The following SMARCC1 variants were observed in gnomAD, a reference collection of about 807,000 sequenced individuals.
SMARCC1 encodes the protein SWI/SNF complex subunit SMARCC1.
In SMARCC1, 43 loss-of-function variants were observed where a neutral mutation model predicts 147.4. That is an observed-to-expected ratio of 0.29 (90% CI 0.23 to 0.38). The LOEUF (loss-of-function observed/expected upper bound fraction) is 0.38, where lower values mean the gene tolerates loss of function less well. Among genes scored for constraint, SMARCC1 ranks in the 10% least tolerant of loss-of-function variants. SMARCC1 has a pLI of 1.00. For missense variants in SMARCC1, 1,119 were observed against 1,381.1 expected, an observed-to-expected ratio of 0.81 and a Z score of 3.01; for synonymous variants, 495 against 484.4, an observed-to-expected ratio of 1.02 and a Z score of -0.29.
chr3:47,698,032 A>AAG (rs1213122986), intron 11 of SMARCC1, among the ~76,000 whole-genome samples: 2 of 149,646 alleles, frequency 1.3e-5, no homozygotes, highest in African/African-American at 2.4e-5. Context: ...AAAAAAAAAA[A>AAG]AGATAAATAT....
chr3:47,740,569 G>A (rs993179988), intron 3 of SMARCC1, among the ~76,000 whole-genome samples: 38 of 151,860 alleles, frequency 2.5e-4, no homozygotes, highest in African/African-American at 9.2e-4. Context: ...TTGAACTCCT[G>A]ACCTCGTGAT....
Position 47,738,013 on chromosome 3 carries a change from TAA to T in SMARCC1, c.483+14_483+15del. ...TTAAAGGTAAACTTTTTAAATAACCTAAGTTTCCAAGTTACCTGCACCAATGT... is the reference window on the plus strand; with the variant it reads ...TTAAAGGTAAACTTTTTAAATAACCTGTTTCCAAGTTACCTGCACCAATGT... On this transcript the variant is annotated intron_variant, in intron 4 of 27. Coordinates refer to ENST00000254480, the MANE Select transcript of SMARCC1 (RefSeq NM_003074.4). 6.4e-7 allele frequency: 1 copy of T among 1,563,070 alleles called. No individual in the cohort carries two copies. The highest frequency in any genetic ancestry group is 8.7e-7 in the Non-Finnish European group (1 of 1,149,350).
chr3:47,781,441 G>T (rs2035046863), intron 1 of SMARCC1, among the ~76,000 whole-genome samples, 162 bp downstream of exon 1: 1 of 152,134 alleles, frequency 6.6e-6, no homozygotes, highest in Non-Finnish European at 1.5e-5. Flanking sequence ...CCGGGATCGC[G>T]GGCGCCCAGA....
chr3:47,628,259 T>C (rs994632504), intron 24 of SMARCC1, among the ~76,000 whole-genome samples: 4 of 152,210 alleles, frequency 2.6e-5, no homozygotes, highest in African/African-American at 9.6e-5. Context: ...CCTTTGCTTT[T>C]GTTTTCTGCT....
At chr3:47,763,231 C>A (rs1231654746) in intron 2 of SMARCC1, among the ~76,000 whole-genome samples, 1 of 151,378 alleles carries the variant, frequency 6.6e-6, no homozygotes, top group Non-Finnish European at 1.5e-5. Context: ...AGGCTAGTCT[C>A]GAGTTCCTGG....
intron 10 of SMARCC1, 127 bp downstream of exon 10, chr3:47,706,282 G>C: frequency 1.2e-6 from 1 of 820,738 alleles, no homozygotes; most frequent in Non-Finnish European, 1.7e-6. Context: ...ATGTTGGCCA[G>C]GCTGGATTTG....
chr3:47,616,018 G>T (rs2106677463), intron 25 of SMARCC1, among the ~76,000 whole-genome samples: 1 of 152,308 alleles, frequency 6.6e-6, no homozygotes. Context: ...CTAGCCAAAT[G>T]AACTTCAGAG....
intron 3 of SMARCC1, among the ~76,000 whole-genome samples, chr3:47,744,435 ATACACATGTAAGTTTG>A (rs2034544180): frequency 6.6e-6 from 1 of 152,162 alleles, no homozygotes; most frequent in Non-Finnish European, 1.5e-5. Context: ...GTTTCAGTAA[ATACACATGTAAGTTTG>A]TATCTCCTAC....
At chr3:47,664,318 G>A (rs1664353371) in intron 19 of SMARCC1, among the ~76,000 whole-genome samples, 1 of 152,052 alleles carries the variant, frequency 6.6e-6, no homozygotes, top group Non-Finnish European at 1.5e-5. Flanking sequence ...TAAAGGAAGA[G>A]ATATATTGTG....
At chr3:47,609,356 G>A (rs1275574368) in intron 26 of SMARCC1, among the ~76,000 whole-genome samples, 1 of 152,098 alleles carries the variant, frequency 6.6e-6, no homozygotes, top group Non-Finnish European at 1.5e-5. Flanking sequence ...AATTAGCCAG[G>A]CATGGTGGTG....
chr3:47,691,470 C>A (rs185066522), intron 12 of SMARCC1, among the ~76,000 whole-genome samples: 1 of 151,612 alleles, frequency 6.6e-6, no homozygotes, highest in South Asian at 2.1e-4. Flanking sequence ...AAAAATTAGC[C>A]GGGAGTGGTG....
At position 47,733,895 on chromosome 3, in the gene SMARCC1, GTATA is replaced by G. The variant is rs1164578018; in HGVS notation, c.576+2135_576+2138del. Among the ~76,000 whole-genome samples, 545 of 146,238 alleles carry G rather than the reference GTATA, an allele frequency of 3.7e-3. 4 individuals carry two copies. The highest frequency in any genetic ancestry group is 0.012 in the African/African-American group (493 of 39,626). On this transcript the variant is annotated intron_variant, in intron 5 of 27. Coordinates refer to ENST00000254480, the MANE Select transcript of SMARCC1 (RefSeq NM_003074.4). Reference sequence around the variant, plus strand: ...AAAAAAAAAAAAGGTATATATACACGTATATATATACACACATATGTGCTTGTAT... The same window carrying G: ...AAAAAAAAAAAAGGTATATATACACGTATATACACACATATGTGCTTGTAT...
At chr3:47,596,170 T>C (rs2032277011) in intron 26 of SMARCC1, among the ~76,000 whole-genome samples, 1 of 152,098 alleles carries the variant, frequency 6.6e-6, no homozygotes. Flanking sequence ...GGGTGAGGAC[T>C]TCAAAAGTAA....
At chr3:47,746,614 A>C (rs2034566745) in intron 2 of SMARCC1, among the ~76,000 whole-genome samples, 1 of 152,112 alleles carries the variant, frequency 6.6e-6, no homozygotes, top group Admixed American at 6.6e-5. Context: ...ACCCCTCCCC[A>C]AAAGAATTCC....
intron 2 of SMARCC1, among the ~76,000 whole-genome samples, chr3:47,765,896 G>C (rs1169323114): frequency 6.6e-6 from 1 of 151,798 alleles, no homozygotes; most frequent in East Asian, 1.9e-4. Flanking sequence ...CCACACCCGG[G>C]TAATTTTTGT....
chr3:47,712,662 GCTGA>G (rs1293511057), intron 8 of SMARCC1, among the ~76,000 whole-genome samples: 8 of 152,134 alleles, frequency 5.3e-5, no homozygotes, highest in Admixed American at 3.3e-4. Flanking sequence ...GTTTTAGTAA[GCTGA>G]CTATTTACAC....
chr3:47,781,817 C>A lies in SMARCC1; in HGVS notation c.-20G>T, dbSNP rs1409058588. ...GGCCATCGTCGCAGCCCGTCGTCCC[C>A]ACAGCCTGGCCCACCCCGGCCCTCG... On this transcript the variant is annotated 5_prime_UTR_variant, in exon 1 of 28. Coordinates refer to ENST00000254480, the MANE Select transcript of SMARCC1 (RefSeq NM_003074.4). 7.2e-7 allele frequency: 1 copy of A among 1,383,300 alleles called. No homozygotes were observed. Among genetic ancestry groups the A allele is most frequent in the Admixed American group, 3.8e-5 (1 of 26,004 alleles). 85.7% of individuals were successfully genotyped at this position (1,383,300 alleles called of 1,614,324 possible). A position where few individuals can be genotyped will look rare whatever the true frequency, so the allele number is the denominator to read the frequency against.
intron 7 of SMARCC1, among the ~76,000 whole-genome samples, chr3:47,719,887 T>C (rs1033023177): frequency 6.6e-6 from 1 of 151,454 alleles, no homozygotes; most frequent in African/African-American, 2.4e-5. Context: ...AGGCGTGCGC[T>C]ACCATGTCTG....
intron 24 of SMARCC1, among the ~76,000 whole-genome samples, chr3:47,624,788 C>G (rs34456331): frequency 6.6e-6 from 1 of 151,972 alleles, no homozygotes; most frequent in Non-Finnish European, 1.5e-5. Context: ...GAAGCTCATG[C>G]CTACGCCTAT....
Sources: allele counts gnomAD v4.1 joint callset (sites outside exome capture counted in the v4.1 genomes callset), GRCh38; gene constraint gnomAD v4.1.1; transcripts MANE v1.5; gene names NCBI Gene and HGNC (gene_info 2026-07-23, HGNC 2026-07-21).